Variants in WDFY2 observed in about 807,000 individuals in gnomAD.
The protein encoded by WDFY2 is WD repeat and FYVE domain-containing protein 2.
A neutral mutation model predicts 56.4 loss-of-function variants in WDFY2; 36 were observed. That is an observed-to-expected ratio of 0.64 (90% CI 0.49 to 0.84). The LOEUF is 0.84. WDFY2 is among the 40% of genes least tolerant of loss of function. The pLI is 0.00. For missense variants in WDFY2, 444 were observed against 512.2 expected, an observed-to-expected ratio of 0.87 and a Z score of 1.29; for synonymous variants, 176 against 183.7, an observed-to-expected ratio of 0.96 and a Z score of 0.34.
At chr13:51,637,556 A>G (rs1284271150) in intron 1 of WDFY2, among the ~76,000 whole-genome samples, 1 of 152,110 alleles carries the variant, frequency 6.6e-6, no homozygotes, top group Non-Finnish European at 1.5e-5. Context: ...AGAGGTCCCG[A>G]TCCAGACCCC....
intron 8 of WDFY2, among the ~76,000 whole-genome samples, chr13:51,752,021 A>G (rs1197407573): frequency 1.3e-5 from 2 of 152,108 alleles, no homozygotes; most frequent in Non-Finnish European, 2.9e-5. Context: ...GAAGTTAACC[A>G]TTTTCCAATT....
intron 3 of WDFY2, among the ~76,000 whole-genome samples, chr13:51,688,434 G>C (rs1456982064): frequency 6.6e-6 from 1 of 152,108 alleles, no homozygotes; most frequent in Non-Finnish European, 1.5e-5. Context: ...TTTGAGGTTT[G>C]TGTGAGTCAA....
chr13:51,632,946 G>A (rs551054043), intron 1 of WDFY2, among the ~76,000 whole-genome samples: 4 of 152,154 alleles, frequency 2.6e-5, no homozygotes, highest in Admixed American at 6.5e-5. Context: ...TTCATTCCAG[G>A]CAAAAATAGG....
intron 1 of WDFY2, among the ~76,000 whole-genome samples, chr13:51,626,346 C>T (rs1014580035): frequency 6.6e-6 from 1 of 152,198 alleles, no homozygotes; most frequent in Non-Finnish European, 1.5e-5. Context: ...CCTAAGCCTC[C>T]ATTCCCTTCT....
chr13:51,653,793 G>A (rs1338059227), intron 1 of WDFY2, among the ~76,000 whole-genome samples: 3 of 151,918 alleles, frequency 2.0e-5, no homozygotes, highest in South Asian at 2.1e-4. Context: ...GTACCTGGCC[G>A]TGTGAGGTGT....
At chr13:51,665,278 G>C (rs780902419) in intron 2 of WDFY2, among the ~76,000 whole-genome samples, 3 of 152,160 alleles carry the variant, frequency 2.0e-5, no homozygotes, top group East Asian at 3.8e-4. Flanking sequence ...TGTATCTTAC[G>C]TAGTAGCTGC....
At chr13:51,675,411 G>A (rs1955869582) in intron 3 of WDFY2, among the ~76,000 whole-genome samples, 168 bp downstream of exon 3, 1 of 152,204 alleles carries the variant, frequency 6.6e-6, no homozygotes, top group Non-Finnish European at 1.5e-5. Flanking sequence ...TGTAGGGAGA[G>A]CTATCATCAG....
At chr13:51,644,431 T>TA in intron 1 of WDFY2, among the ~76,000 whole-genome samples, 1 of 152,344 alleles carries the variant, frequency 6.6e-6, no homozygotes, top group East Asian at 1.9e-4. Flanking sequence ...TTATAGATTT[T>TA]AAAAACACTG....
chr13:51,749,986 A>T (rs1310039513), intron 7 of WDFY2, among the ~76,000 whole-genome samples: 2 of 152,212 alleles, frequency 1.3e-5, no homozygotes, highest in Non-Finnish European at 2.9e-5. Flanking sequence ...GAATAAATTT[A>T]GGAGAAGTAA....
At chr13:51,697,851 A>G (rs1256766826) in intron 3 of WDFY2, among the ~76,000 whole-genome samples, 1 of 152,226 alleles carries the variant, frequency 6.6e-6, no homozygotes, top group African/African-American at 2.4e-5. Context: ...CTGTGTATAC[A>G]CGGGGAAAAG....
In WDFY2 at chr13:51,710,466, A is replaced by G. The variant is rs558659040; in HGVS notation, c.334+6816A>G. ...AATGAGGCAGGAGAAGCAAATAAAG[A>G]GTATTCAATTAGGAAAAGAGGAAGT... On this transcript the variant is annotated intron_variant, in intron 4 of 11. Coordinates refer to ENST00000298125, the MANE Select transcript of WDFY2 (RefSeq NM_052950.4). Among the ~76,000 whole-genome samples the G allele has an allele frequency of 5.7e-4, 87 of 152,154 alleles. 2 individuals carry two copies. Among genetic ancestry groups the G allele is most frequent in the Middle Eastern group, 3.4e-3 (1 of 294 alleles).
chr13:51,700,508 A>G (rs1262476473), intron 3 of WDFY2, among the ~76,000 whole-genome samples: 2 of 152,234 alleles, frequency 1.3e-5, no homozygotes, highest in Non-Finnish European at 2.9e-5. Flanking sequence ...CAATTTGGCC[A>G]TGTCTATCAA....
chr13:51,682,830 G>C (rs1012397154), intron 3 of WDFY2, among the ~76,000 whole-genome samples: 1 of 152,150 alleles, frequency 6.6e-6, no homozygotes, highest in Non-Finnish European at 1.5e-5. Context: ...CTTGGTTAAA[G>C]TCTATGTCAT....
At chr13:51,589,862 A>C (rs1010649234) in intron 1 of WDFY2, 1 of 152,182 alleles carries the variant, frequency 6.6e-6, no homozygotes. Flanking sequence ...CAAAGAGGGA[A>C]CTTGTCCTGT....
chr13:51,665,042 C>T (rs1444376327), intron 2 of WDFY2, among the ~76,000 whole-genome samples: 1 of 152,122 alleles, frequency 6.6e-6, no homozygotes, highest in African/African-American at 2.4e-5. Flanking sequence ...TGAATACCAA[C>T]CATCATGTAT....
At chr13:51,754,883 T>C (rs547431955) in intron 8 of WDFY2, among the ~76,000 whole-genome samples, 52 of 152,358 alleles carry the variant, frequency 3.4e-4, no homozygotes, top group African/African-American at 1.2e-3. Context: ...TATTTGTTTT[T>C]ACTACATAAT....
intron 1 of WDFY2, among the ~76,000 whole-genome samples, chr13:51,603,891 C>T (rs1954334509): frequency 6.6e-6 from 1 of 152,142 alleles, no homozygotes; most frequent in African/African-American, 2.4e-5. Context: ...AGTAAAGTGG[C>T]ATGCTTTACC....
chr13:51,585,890 TG>T, intron 1 of WDFY2: 1 of 396,846 alleles, frequency 2.5e-6, no homozygotes, highest in Non-Finnish European at 4.4e-6. Context: ...GCATAGTGTG[TG>T]GCCTCAACAA....
rs1010014883 is a variant in WDFY2, at chr13:51,609,464, A to G, written c.137+24640A>G. On this transcript the variant is annotated intron_variant, in intron 1 of 11. Transcript: ENST00000298125. ...GAAAGTAGATACAAGAACTAAAAAT[A>G]AAGTGAGAATTTGGGACATTTAGTG... 2.6e-5 allele frequency among the ~76,000 whole-genome samples: 4 copies of G among 152,216 alleles called. No homozygotes were observed. In the East Asian group the frequency reaches 5.8e-4, roughly 22 times the overall value.
Sources: gnomAD v4.1 joint callset for allele counts (sites outside exome capture counted in the v4.1 genomes callset) on GRCh38, gnomAD v4.1.1 for gene constraint, MANE v1.5 for transcripts, NCBI Gene and HGNC (gene_info 2026-07-23, HGNC 2026-07-21) for gene names.